WASHC4: variants seen among roughly 807,000 people sequenced by gnomAD.
The protein encoded by WASHC4 is WASH complex subunit 4.
WASHC4 carries 86 observed loss-of-function variants against 166.6 expected under a neutral mutation model. That is an observed-to-expected ratio of 0.52 (90% CI 0.43 to 0.62). The LOEUF (loss-of-function observed/expected upper bound fraction) is 0.62. Ranked by LOEUF, WASHC4 falls within the 20% of genes least tolerant of loss-of-function variation. The pLI is 0.00. For synonymous variants in WASHC4, 446 were observed against 451.6 expected, an observed-to-expected ratio of 0.99 and a Z score of 0.16; for missense variants, 1,262 against 1,382.4, an observed-to-expected ratio of 0.91 and a Z score of 1.38.
chr12:105,162,847 TA>T lies in WASHC4; in HGVS notation c.3157+4del. 6.6e-7 allele frequency: 1 copy of T among 1,516,768 alleles called. No homozygotes were observed. Among genetic ancestry groups the T allele is most frequent in the Non-Finnish European group, 9.1e-7 (1 of 1,096,994 alleles). The allele number at this position is 1,516,768 out of a possible 1,614,324, so 94.0% of individuals were successfully genotyped here. A position where few individuals can be genotyped will look rare whatever the true frequency, so the allele number is the denominator to read the frequency against. ...TTACTGATGATGGCTTTGCCATGGG[TA>T]AGCTTAATGGAATTGTTTTTCCATT... On this transcript the variant is annotated splice_donor_region_variant and intron_variant, in intron 30 of 32. Transcript: ENST00000332180.
chr12:105,117,007 T>G (rs1389091773), intron 6 of WASHC4, among the ~76,000 whole-genome samples: 34 of 152,212 alleles, frequency 2.2e-4, no homozygotes, highest in Admixed American at 2.2e-3. Context: ...AAGGTCCCAG[T>G]AAATGTGGAA....
chr12:105,139,455 A>ATT (rs1396799994), intron 15 of WASHC4, among the ~76,000 whole-genome samples: 1 of 140,026 alleles, frequency 7.1e-6, no homozygotes, highest in Non-Finnish European at 1.6e-5. Flanking sequence ...ATATATATAT[A>ATT]TATGCCTCCC....
At chr12:105,133,966 A>G (rs1882088868) in intron 14 of WASHC4, 70 bp downstream of exon 14, 2 of 1,440,618 alleles carry the variant, frequency 1.4e-6, no homozygotes, top group Admixed American at 1.7e-5. Flanking sequence ...CTTTGAAAAA[A>G]CTGAACAAAG....
chr12:105,157,280 T>C lies in WASHC4; in HGVS notation c.2870T>C (p.Val957Ala). Residue 957 changes from valine (V) to alanine (A), a missense_variant, in exon 28 of 33, where the codon GTA (valine) becomes GCA (alanine). Coordinates refer to ENST00000332180, the MANE Select transcript of WASHC4 (RefSeq NM_015275.3). ...LEDIVNFEEL[V>A]KEEGLAEETL... ...GATATTGTAAATTTTGAAGAACTAG[T>C]AAAAGAAGAAGGTCTTGCAGAAGAA... 1 of 1,569,078 alleles carries C rather than the reference T, an allele frequency of 6.4e-7. No individual in the cohort carries two copies. Among genetic ancestry groups the C allele is most frequent in the Non-Finnish European group, 8.8e-7 (1 of 1,142,428 alleles).
rs1438016504 is a variant in WASHC4, at chr12:105,140,931, A to G, written c.1593A>G (p.Glu531=). Residue 531 remains glutamate (E), a synonymous_variant, in exon 17 of 33, where the codon GAA becomes GAG. Coordinates refer to ENST00000332180, the MANE Select transcript of WASHC4 (RefSeq NM_015275.3). ...TGATTTCTGACAAAAAATACAGCGA[A>G]CAGCGTCTTGATGTGCTCTCTGCTC... ...KRVISDKKYS[E]QRLDVLSALV... is the part of the protein sequence containing the mutation. 1 of 1,614,156 alleles carries G rather than the reference A, an allele frequency of 6.2e-7. No individual in the cohort carries two copies. The highest frequency in any genetic ancestry group is 1.7e-5 in the Admixed American group (1 of 60,026).
intron 31 of WASHC4, 38 bp downstream of exon 31, chr12:105,164,345 A>G (rs1285164032): frequency 6.5e-7 from 1 of 1,535,526 alleles, no homozygotes; most frequent in Non-Finnish European, 9.0e-7. Flanking sequence ...GCTTTGACTT[A>G]CCATTTGATA....
intron 23 of WASHC4, 131 bp downstream of exon 23, chr12:105,146,657 A>G (rs1045433998): frequency 1.1e-5 from 7 of 653,954 alleles, no homozygotes; most frequent in Admixed American, 2.8e-5. Flanking sequence ...GGCCTTGTTT[A>G]TTTTTTTGCC....
rs1882068419 is a variant in WASHC4, at chr12:105,133,778, A to G, written c.1208A>G (p.Gln403Arg). 3.7e-6 allele frequency: 6 copies of G among 1,612,358 alleles called. No homozygotes were observed. The highest frequency in any genetic ancestry group is 2.2e-5 in the East Asian group (1 of 44,698). Residue 403 changes from glutamine (Q) to arginine (R), a missense_variant, in exon 14 of 33, where the codon CAG becomes CGG. Transcript: ENST00000332180. ...QKAQSLTKDV[Q>R]SYYVFVSSWM... is the part of the protein sequence containing the mutation. Reference sequence around the variant, plus strand: ...ATATTTTCCTTTGTTAGAGATGTACAGTCTTACTACGTCTTTGTGAGCTCA... The same window carrying G: ...ATATTTTCCTTTGTTAGAGATGTACGGTCTTACTACGTCTTTGTGAGCTCA...
At chr12:105,110,388 A>G (rs1034329630) in intron 1 of WASHC4, among the ~76,000 whole-genome samples, 1 of 152,224 alleles carries the variant, frequency 6.6e-6, no homozygotes, top group East Asian at 1.9e-4. Context: ...GGAACAAGTA[A>G]TGAATTTTTA....
At chr12:105,109,696 C>T (rs1404215518) in intron 1 of WASHC4, among the ~76,000 whole-genome samples, 1 of 147,808 alleles carries the variant, frequency 6.8e-6, no homozygotes, top group Non-Finnish European at 1.5e-5. Context: ...CTCTGTCGCC[C>T]AGTGCCGTGG....
intron 10 of WASHC4, among the ~76,000 whole-genome samples, chr12:105,123,854 C>T (rs1881019800): frequency 6.6e-6 from 1 of 152,118 alleles, no homozygotes; most frequent in African/African-American, 2.4e-5. Context: ...CAAAGAAAGC[C>T]AGTGCCCATT....
chr12:105,166,777 C>T (rs1178942395), intron 32 of WASHC4, 87 bp from the exon 33 acceptor site: 2 of 889,024 alleles, frequency 2.2e-6, no homozygotes, highest in African/African-American at 1.7e-5. Flanking sequence ...TTTGGCAATA[C>T]AGCTCTTCTC....
intron 30 of WASHC4, among the ~76,000 whole-genome samples, chr12:105,163,193 C>T (rs1380757422): frequency 6.6e-6 from 1 of 152,070 alleles, no homozygotes; most frequent in Non-Finnish European, 1.5e-5. Context: ...CTCCTGACCT[C>T]GTGATCTGCC....
At chr12:105,122,071 A>C (rs535586085) in intron 9 of WASHC4, 47 bp from the exon 10 acceptor site, 23 of 1,388,498 alleles carry the variant, frequency 1.7e-5, no homozygotes, top group Middle Eastern at 2.3e-4. Flanking sequence ...TTTTAATTTA[A>C]GAATTTATTA....
rs1880816611 is a variant in WASHC4, at chr12:105,122,181, A to G, written c.729A>G (p.Pro243=). 6.2e-7 allele frequency: 1 copy of G among 1,612,040 alleles called. No individual in the cohort carries two copies. Among genetic ancestry groups the G allele is most frequent in the Admixed American group, 1.7e-5 (1 of 59,984 alleles). ...GAATTCAGGAAGAAAAATTAAAGCC[A>G]TTTGAAAAGTTCTTGCTGAAGCTAG... is the stretch of plus-strand genomic sequence containing the variant. The part of the protein sequence containing the change: ...KFGIQEEKLK[P]FEKFLLKLEG... Residue 243 remains proline (P), a synonymous_variant, in exon 10 of 33, where the codon CCA becomes CCG. Transcript: ENST00000332180.
Position 105,146,532 on chromosome 12 carries a change from T to A in WASHC4, c.2409+6T>A, listed in dbSNP as rs950692986. The stretch of plus-strand genomic sequence containing the variant: ...TCTATAATCTCAACAATCAGGTGAG[T>A]AGGGTTTATAAATTTTTTTTTTTTA... On this transcript the variant is annotated splice_donor_region_variant and intron_variant, in intron 23 of 32. Transcript: ENST00000332180. 1 of 1,558,994 alleles carries A rather than the reference T, an allele frequency of 6.4e-7. No individual in the cohort carries two copies. The highest frequency in any genetic ancestry group is 8.8e-7 in the Non-Finnish European group (1 of 1,137,124).
At chr12:105,159,664 G>A (rs1372995773) in intron 28 of WASHC4, among the ~76,000 whole-genome samples, 4 of 152,120 alleles carry the variant, frequency 2.6e-5, no homozygotes, top group Non-Finnish European at 4.4e-5. Context: ...TGAGGTAAGG[G>A]GATGTAGGAG....
In WASHC4 at chr12:105,120,543, A is replaced by C. The variant is rs774092178; in HGVS notation, c.519-12A>C. 100 of 1,564,100 alleles carry C rather than the reference A, an allele frequency of 6.4e-5. No individual in the cohort carries two copies. Among genetic ancestry groups the C allele is most frequent in the Non-Finnish European group, 6.9e-5 (78 of 1,135,092 alleles). On this transcript the variant is annotated splice_polypyrimidine_tract_variant and intron_variant, in intron 7 of 32. Coordinates refer to ENST00000332180, the MANE Select transcript of WASHC4 (RefSeq NM_015275.3). Reference sequence around the variant, plus strand: ...GGAAGTTTTTTTTAACTTGGTTGTTATTTTATTATAGGATTGCACCCAAAA... The same window carrying C: ...GGAAGTTTTTTTTAACTTGGTTGTTCTTTTATTATAGGATTGCACCCAAAA...
chr12:105,127,528 A>C (rs957110503), intron 13 of WASHC4, among the ~76,000 whole-genome samples: 1 of 152,174 alleles, frequency 6.6e-6, no homozygotes, highest in Non-Finnish European at 1.5e-5. Context: ...GCGTACATAC[A>C]TAGTTTTTAT....
Sources: allele counts gnomAD v4.1 joint callset (sites outside exome capture counted in the v4.1 genomes callset), GRCh38; gene constraint gnomAD v4.1.1; transcripts MANE v1.5; gene names NCBI Gene and HGNC (gene_info 2026-07-23, HGNC 2026-07-21).